Variants in ATXN2L observed in about 807,000 individuals in gnomAD.
The protein encoded by ATXN2L is ataxin 2 like, also known as ataxin-2-like protein.
In ATXN2L, 24 loss-of-function variants were observed where a neutral mutation model predicts 120.7. The observed-to-expected ratio is 0.20, with a 90% CI of 0.14 to 0.28. The LOEUF is 0.28. Among genes scored for constraint, ATXN2L ranks in the 10% least tolerant of loss-of-function variants. The pLI is 1.00. For missense variants in ATXN2L, 1,312 were observed against 1,432.3 expected (o/e 0.92, Z 1.36); for synonymous variants, 653 against 568.1 (o/e 1.15, Z -2.13).
Position 28,825,949 on chromosome 16 carries a change from T to C in ATXN2L, c.465+108T>C. 4.4e-6 allele frequency: 5 copies of C among 1,127,642 alleles called. No homozygotes were observed. In the South Asian group the frequency reaches 5.2e-5, roughly 12 times the overall value. The allele number at this position is 1,127,642 out of a possible 1,614,324, so 69.9% of individuals were successfully genotyped here. A position where few individuals can be genotyped will look rare whatever the true frequency, so the allele number is the denominator to read the frequency against. On this transcript the variant is annotated intron_variant, in intron 4 of 21. Transcript: ENST00000336783. Reference sequence around the variant, plus strand: ...TGATGTCAGAGTATGCCTTTAGTTGTTTCTGTAGGCCTGTGCTGAATAGTG... The same window carrying C: ...TGATGTCAGAGTATGCCTTTAGTTGCTTCTGTAGGCCTGTGCTGAATAGTG...
At chr16:28,832,747 T>A (rs7498491) in intron 12 of ATXN2L, 70 bp from the exon 13 acceptor site, 1,033,202 of 1,526,680 alleles carry the variant, frequency 0.68, 354,663 homozygotes, top group African/African-American at 0.9. Flanking sequence ...CCTCTGTTCT[T>A]TTGGCACTGT....
At position 28,834,403 on chromosome 16, in the gene ATXN2L, C is replaced by A. The variant is rs560637561; in HGVS notation, c.2233C>A (p.Arg745=). Residue 745 remains arginine (R), a synonymous_variant, in exon 17 of 22, where the codon CGG becomes AGG. Coordinates refer to ENST00000336783, the MANE Select transcript of ATXN2L (RefSeq NM_007245.4). ...AGTGCCTGGGCAGCAGGGCAAGTAC[C>A]GGGGAGCAAAAGGTGAGCAGGGCTG... The part of the protein sequence containing the change: ...NSVPGQQGKY[R]GAKGSLPPQR... The A allele has an allele frequency of 7.2e-4, 1,158 of 1,614,068 alleles. 13 individuals carry two copies. In the South Asian group the frequency reaches 0.012, roughly 17 times the overall value.
chr16:28,832,709 A>C, intron 12 of ATXN2L, 108 bp from the exon 13 acceptor site: 4 of 1,415,526 alleles, frequency 2.8e-6, no homozygotes, highest in South Asian at 1.2e-5. Context: ...GATCCTCAAG[A>C]GTTTCTCTTT....
chr16:28,830,022 A>T lies in ATXN2L; in HGVS notation c.998A>T (p.Gln333Leu). Residue 333 changes from glutamine (Q) to leucine (L), a missense_variant, in exon 8 of 22, where the codon CAG (glutamine) becomes CTG (leucine). Physicochemically the swap from Gln to Leu is moderately radical, Grantham distance 113. Coordinates refer to ENST00000336783, the MANE Select transcript of ATXN2L (RefSeq NM_007245.4). Reference sequence around the variant, plus strand: ...GAGAAGCACAGTGCAGTCCAGCGGCAGGGCTCAGGGCGGGAGAGCCCCAGC... The same window carrying T: ...GAGAAGCACAGTGCAGTCCAGCGGCTGGGCTCAGGGCGGGAGAGCCCCAGC... ...EEEKHSAVQR[Q>L]GSGRESPSLA... The T allele has an allele frequency of 6.2e-7, 1 of 1,613,662 alleles. No homozygotes were observed. The highest frequency in any genetic ancestry group is 8.5e-7 in the Non-Finnish European group (1 of 1,179,566).
At chr16:28,826,728 A>G in intron 5 of ATXN2L, 134 bp from the exon 6 acceptor site, 1 of 1,126,160 alleles carries the variant, frequency 8.9e-7, no homozygotes, top group Non-Finnish European at 1.2e-6. Context: ...TGGCCATCCT[A>G]ACACACGGGC....
chr16:28,823,953 C>T (rs1300343901), intron 1 of ATXN2L: 7 of 311,372 alleles, frequency 2.2e-5, no homozygotes, highest in African/African-American at 1.1e-4. Context: ...GGGAAGGGGT[C>T]CCCGGCCGTA....
At chr16:28,830,515 T>C in intron 8 of ATXN2L, 100 bp from the exon 9 acceptor site, 1 of 1,181,146 alleles carries the variant, frequency 8.5e-7, no homozygotes. Context: ...TGTGTGTATG[T>C]TTGGGGGCAG....
At chr16:28,825,486 TAG>T in intron 2 of ATXN2L, 84 bp downstream of exon 2, 1 of 1,537,262 alleles carries the variant, frequency 6.5e-7, no homozygotes, top group Non-Finnish European at 9.0e-7. Flanking sequence ...TAGGTCTAGA[TAG>T]AGTCTAATGT....
chr16:28,835,002 G>A, intron 18 of ATXN2L, 56 bp from the exon 19 acceptor site: 2 of 1,578,864 alleles, frequency 1.3e-6, no homozygotes, highest in Non-Finnish European at 1.7e-6. Context: ...TGACTGGCAG[G>A]AGGACACCTT....
At chr16:28,830,123 A>G (rs2053782526) in intron 8 of ATXN2L, 65 bp downstream of exon 8, 1 of 1,451,820 alleles carries the variant, frequency 6.9e-7, no homozygotes, top group Non-Finnish European at 9.3e-7. Context: ...CTGGGCCCAG[A>G]GTTGATGAGT....
chr16:28,835,526 C>A, intron 20 of ATXN2L, 23 bp from the exon 21 acceptor site: 1 of 1,612,478 alleles, frequency 6.2e-7, no homozygotes, highest in Non-Finnish European at 8.5e-7. Flanking sequence ...CTGTGTGGCA[C>A]TCAACCTTCC....
chr16:28,823,507 C>T lies in ATXN2L; in HGVS notation c.248C>T (p.Pro83Leu). The change falls in exon 1 of 22, where the codon CCG (proline) becomes CTG (leucine). Residue 83 changes from proline to leucine, a missense_variant. By Grantham distance (98) the Pro-to-Leu change is moderately conservative. Coordinates refer to ENST00000336783, the MANE Select transcript of ATXN2L (RefSeq NM_007245.4). The stretch of plus-strand genomic sequence containing the variant: ...GGCATCTTGGCGCCGCAGCCGCCGC[C>T]GCCGCAGCAACACCAGGAGAGGCCG... Reference protein sequence around the residue: ...AEGILAPQPPPPQQHQERPGA... With the variant: ...AEGILAPQPPLPQQHQERPGA... 1 of 1,388,264 alleles carries T rather than the reference C, an allele frequency of 7.2e-7. No individual in the cohort carries two copies. The allele number at this position is 1,388,264 out of a possible 1,614,324, so 86.0% of individuals were successfully genotyped here.
Position 28,826,969 on chromosome 16 carries a change from G to T in ATXN2L, c.724G>T (p.Asp242Tyr). Residue 242 changes from aspartate (D) to tyrosine (Y), a missense_variant, in exon 6 of 22, where the codon GAC becomes TAC. Physicochemically the swap from Asp to Tyr is radical, Grantham distance 160 (BLOSUM62 -3). Transcript: ENST00000336783. The stretch of plus-strand genomic sequence containing the variant: ...GGGTGACAGCAACAGCGACGACTAT[G>T]ACCTCGAGTCTGACATGGTATAGCC... ...EGGDSNSDDYDLESDMSNGWD... is the reference protein window; with the variant it reads ...EGGDSNSDDYYLESDMSNGWD... 6.4e-7 allele frequency: 1 copy of T among 1,565,422 alleles called. No individual in the cohort carries two copies. The highest frequency in any genetic ancestry group is 1.2e-5 in the South Asian group (1 of 83,618).
rs1361055897 is a variant in ATXN2L, at chr16:28,826,246, C to T, written c.472C>T (p.Leu158=). Residue 158 remains leucine, a synonymous_variant, in exon 5 of 22, where the codon CTA becomes TTA. Transcript: ENST00000336783. ...IFKTLSSKFE[L]AVDAVHRKAS... The stretch of plus-strand genomic sequence containing the variant: ...GGGAATGGGGTGTTTGTAGTTTGAA[C>T]TAGCCGTGGATGCTGTGCACCGGAA... The T allele has an allele frequency of 6.2e-7, 1 of 1,614,162 alleles. No individual in the cohort carries two copies. Among genetic ancestry groups the T allele is most frequent in the Admixed American group, 1.7e-5 (1 of 60,020 alleles).
At position 28,830,686 on chromosome 16, in the gene ATXN2L, C is replaced by G; in HGVS notation, c.1106C>G (p.Ser369Cys). Residue 369 changes from serine (S) to cysteine (C), a missense_variant, in exon 9 of 22, where the codon TCT (serine) becomes TGT (cysteine). Coordinates refer to ENST00000336783, the MANE Select transcript of ATXN2L (RefSeq NM_007245.4). Reference sequence around the variant, plus strand: ...CGGGGAGGAGTTCGATGCAGCAGCTCTCGGGGCGGTCGGCCTGGCCTTAGC... The same window carrying G: ...CGGGGAGGAGTTCGATGCAGCAGCTGTCGGGGCGGTCGGCCTGGCCTTAGC... ...GPRGGVRCSS[S>C]RGGRPGLSSL... 1 of 1,613,816 alleles carries G rather than the reference C, an allele frequency of 6.2e-7. No homozygotes were observed. The highest frequency in any genetic ancestry group is 1.7e-4 in the Middle Eastern group (1 of 6,060).
intron 1 of ATXN2L, chr16:28,824,446 C>G (rs1185797982): frequency 3.9e-6 from 5 of 1,286,588 alleles, no homozygotes; most frequent in Middle Eastern, 2.4e-4. Flanking sequence ...GCTGCGCTGT[C>G]CCCCAGCCCC....
rs973690013 is a variant in ATXN2L, at chr16:28,835,346, A to G, written c.2632A>G (p.Thr878Ala). Residue 878 changes from threonine to alanine, a missense_variant, in exon 20 of 22, where the codon ACG becomes GCG. Thr to Ala is a moderately conservative substitution (Grantham distance 58). Transcript: ENST00000336783. Reference sequence around the variant, plus strand: ...TGCCCACCAGCCGCAGCCGGCTACCACGCCTACTGGAAGCCAGCCGCAGTC... The same window carrying G: ...TGCCCACCAGCCGCAGCCGGCTACCGCGCCTACTGGAAGCCAGCCGCAGTC... The part of the protein sequence containing the change: ...LHAHQPQPAT[T>A]PTGSQPQSQH... 1.1e-5 allele frequency: 17 copies of G among 1,613,300 alleles called. No homozygotes were observed. Among genetic ancestry groups the G allele is most frequent in the Non-Finnish European group, 1.4e-5 (17 of 1,179,930 alleles).
Position 28,835,645 on chromosome 16 carries a change from C to T in ATXN2L, c.2782C>T (p.Pro928Ser). 2 of 1,614,072 alleles carry T rather than the reference C, an allele frequency of 1.2e-6. No homozygotes were observed. The highest frequency in any genetic ancestry group is 1.7e-6 in the Non-Finnish European group (2 of 1,179,992). Residue 928 changes from proline to serine, a missense_variant, in exon 21 of 22, where the codon CCG becomes TCG. Transcript: ENST00000336783. ...ALTGTPPSLP[P>S]GPSAQSPQSS... is the part of the protein sequence containing the mutation. ...GACAGGCACGCCGCCCTCTCTGCCA[C>T]CGGGACCTTCTGCCCAGTCCCCTCA...
At chr16:28,833,739 T>G in intron 15 of ATXN2L, 3 of 614,672 alleles carry the variant, frequency 4.9e-6, no homozygotes, top group Non-Finnish European at 8.5e-6. Context: ...GTGAGTCTGA[T>G]GAGGGGTTAA....
Sources: gnomAD v4.1 joint callset for allele counts on GRCh38, gnomAD v4.1.1 for gene constraint, MANE v1.5 for transcripts, NCBI Gene and HGNC (gene_info 2026-07-23, HGNC 2026-07-21) for gene names.